Variants in RSRC1 observed in about 807,000 individuals in gnomAD.
RSRC1 encodes arginine and serine rich coiled-coil 1.
A neutral mutation model predicts 49.1 loss-of-function variants in RSRC1; 39 were observed. The ratio of observed to expected loss-of-function variants is 0.79; its 90% confidence interval spans 0.61 to 1.04. RSRC1 has a LOEUF of 1.04. RSRC1 is among the 50% of genes least tolerant of loss of function. RSRC1 has a pLI of 0.00. For synonymous variants in RSRC1, 143 were observed against 130.8 expected, an observed-to-expected ratio of 1.09 and a Z score of -0.63; for missense variants, 388 against 402.4, an observed-to-expected ratio of 0.96 and a Z score of 0.31.
At chr3:158,155,904 A>G (rs1717846924) in intron 3 of RSRC1, among the ~76,000 whole-genome samples, 1 of 152,198 alleles carries the variant, frequency 6.6e-6, no homozygotes. Context: ...TAAGAGCCCT[A>G]GGATTTTCAA....
chr3:158,319,223 C>T (rs1728624642), intron 5 of RSRC1, among the ~76,000 whole-genome samples: 1 of 152,120 alleles, frequency 6.6e-6, no homozygotes, highest in Admixed American at 6.5e-5. Context: ...GGTGGTTTCC[C>T]CCATGCTGTT....
chr3:158,179,537 C>A (rs1281204923), intron 3 of RSRC1, among the ~76,000 whole-genome samples: 1 of 152,056 alleles, frequency 6.6e-6, no homozygotes, highest in Non-Finnish European at 1.5e-5. Flanking sequence ...CTCACCATAA[C>A]CCCCTGGAGA....
intron 6 of RSRC1, among the ~76,000 whole-genome samples, chr3:158,397,233 T>C (rs945355765): frequency 1.6e-4 from 24 of 152,196 alleles, no homozygotes; most frequent in African/African-American, 5.8e-4. Flanking sequence ...ATTGGTTGTT[T>C]AGACTAACCA....
intron 4 of RSRC1, among the ~76,000 whole-genome samples, chr3:158,257,367 T>C (rs957346153): frequency 7.9e-5 from 12 of 152,178 alleles, no homozygotes; most frequent in Admixed American, 2.0e-4. Context: ...TTTATCCTTT[T>C]GCGGTATTGA....
chr3:158,359,845 C>G (rs1331941316), intron 6 of RSRC1, among the ~76,000 whole-genome samples: 1 of 152,144 alleles, frequency 6.6e-6, no homozygotes, highest in Non-Finnish European at 1.5e-5. Flanking sequence ...GGTACACAGA[C>G]AAGTGGAGGG....
At chr3:158,491,118 CAT>C (rs1438233198) in intron 7 of RSRC1, among the ~76,000 whole-genome samples, 3 of 152,128 alleles carry the variant, frequency 2.0e-5, no homozygotes, top group Admixed American at 6.5e-5. Flanking sequence ...ATAATTTTAT[CAT>C]AGTTTTCCCA....
intron 3 of RSRC1, among the ~76,000 whole-genome samples, chr3:158,133,072 A>G (rs1716142582): frequency 6.6e-6 from 1 of 152,152 alleles, no homozygotes; most frequent in African/African-American, 2.4e-5. Context: ...ATTCTAACTC[A>G]TTTTATTTTT....
At chr3:158,515,782 G>T (rs533251483) in intron 7 of RSRC1, among the ~76,000 whole-genome samples, 7 of 151,816 alleles carry the variant, frequency 4.6e-5, no homozygotes, top group East Asian at 1.9e-4. Flanking sequence ...ATATTTCTTG[G>T]AGGCTTTGCT....
chr3:158,272,155 G>A (rs1239457917), intron 4 of RSRC1, among the ~76,000 whole-genome samples: 2 of 152,050 alleles, frequency 1.3e-5, no homozygotes, highest in East Asian at 1.9e-4. Flanking sequence ...TGCCCATAAA[G>A]GGATTTCTTT....
At chr3:158,472,315 G>T (rs1315425091) in intron 7 of RSRC1, among the ~76,000 whole-genome samples, 1 of 151,944 alleles carries the variant, frequency 6.6e-6, no homozygotes, top group Non-Finnish European at 1.5e-5. Context: ...TTAGAAAAAA[G>T]AAAATATTCT....
chr3:158,402,308 C>T (rs1733933902), intron 6 of RSRC1, among the ~76,000 whole-genome samples: 1 of 151,656 alleles, frequency 6.6e-6, no homozygotes, highest in Non-Finnish European at 1.5e-5. Context: ...AAAAGCTGGA[C>T]GTTTTAGGCA....
intron 6 of RSRC1, among the ~76,000 whole-genome samples, chr3:158,402,995 A>C (rs887323607): frequency 6.6e-6 from 1 of 151,826 alleles, no homozygotes; most frequent in Admixed American, 6.6e-5. Context: ...ATAAAACCTA[A>C]AGTATCATAT....
chr3:158,268,280 T>C (rs1490559401), intron 4 of RSRC1, among the ~76,000 whole-genome samples: 1 of 152,192 alleles, frequency 6.6e-6, no homozygotes, highest in Non-Finnish European at 1.5e-5. Context: ...TAAAAACGCA[T>C]CAAAGGTATA....
chr3:158,317,054 C>T (rs1728505612), intron 5 of RSRC1, among the ~76,000 whole-genome samples: 1 of 152,160 alleles, frequency 6.6e-6, no homozygotes, highest in Non-Finnish European at 1.5e-5. Context: ...GGACAGGCCT[C>T]CTCAGCAGCA....
rs898783191 is a variant in RSRC1, at chr3:158,205,583, A to G, written c.494+2338A>G. ...GAAGATATGCAAGTGATTATAGTAA[A>G]GTCGGATGAATTTTTCCAGTAGGAA... On this transcript the variant is annotated intron_variant, in intron 4 of 9. Transcript: ENST00000611884. Among the ~76,000 whole-genome samples, 7 of 152,208 alleles carry G rather than the reference A, an allele frequency of 4.6e-5. No homozygotes were observed. The East Asian group carries it at 1.2e-3, about 25-fold the overall frequency.
At chr3:158,543,969 A>G (rs1236976115) in intron 9 of RSRC1, among the ~76,000 whole-genome samples, 2 of 152,182 alleles carry the variant, frequency 1.3e-5, no homozygotes, top group African/African-American at 4.8e-5. Flanking sequence ...TTGTTAAGCA[A>G]TGATGTTGAT....
At position 158,401,577 on chromosome 3, in the gene RSRC1, G is replaced by A. The variant is rs115327415; in HGVS notation, c.583+46669G>A. ...GCAGTAATTTATATAGCCACTTCAA[G>A]ATCAGCATCCAGAACTCCTTTTCCT... is the stretch of plus-strand genomic sequence containing the variant. On this transcript the variant is annotated intron_variant, in intron 6 of 9. Coordinates refer to ENST00000611884, the MANE Select transcript of RSRC1 (RefSeq NM_001271838.2). Among the ~76,000 whole-genome samples, 568 of 152,032 alleles carry A rather than the reference G, an allele frequency of 3.7e-3. 6 individuals are homozygous for A. The highest frequency in any genetic ancestry group is 0.013 in the African/African-American group (539 of 41,524).
chr3:158,225,736 G>T (rs968061695), intron 4 of RSRC1: 26 of 448,928 alleles, frequency 5.8e-5, no homozygotes, highest in African/African-American at 5.1e-4. Flanking sequence ...ACCAAATTGT[G>T]AGTAAACCTA....
chr3:158,213,712 A>G (rs1307432092), intron 4 of RSRC1, among the ~76,000 whole-genome samples: 1 of 151,946 alleles, frequency 6.6e-6, no homozygotes, highest in South Asian at 2.1e-4. Context: ...TTTGGTTGTC[A>G]TGTTGCAGCC....
Sources: allele counts gnomAD v4.1 joint callset (sites outside exome capture counted in the v4.1 genomes callset), GRCh38; gene constraint gnomAD v4.1.1; transcripts MANE v1.5; gene names NCBI Gene and HGNC (gene_info 2026-07-23, HGNC 2026-07-21).